EEA1: variants seen among roughly 807,000 people sequenced by gnomAD.
EEA1 encodes early endosome antigen 1, 162kD.
In EEA1, 111 loss-of-function variants were observed where a neutral mutation model predicts 209.2. The ratio of observed to expected loss-of-function variants is 0.53; its 90% CI spans 0.45 to 0.62. The LOEUF (loss-of-function observed/expected upper bound fraction) is 0.62. Ranked by LOEUF, EEA1 falls within the 20% of genes least tolerant of loss-of-function variation. EEA1 has a pLI of 0.00. For synonymous variants in EEA1, 536 were observed against 540.6 expected, an observed-to-expected ratio of 0.99 and a Z score of 0.12; for missense variants, 1,343 against 1,530.8, an observed-to-expected ratio of 0.88 and a Z score of 2.05.
intron 18 of EEA1, among the ~76,000 whole-genome samples, chr12:92,807,713 C>T (rs1875282986): frequency 6.6e-6 from 1 of 151,730 alleles, no homozygotes; most frequent in African/African-American, 2.4e-5. Flanking sequence ...ATAAATTTAA[C>T]AAAAGATGTA....
intron 22 of EEA1, among the ~76,000 whole-genome samples, chr12:92,782,698 T>TA (rs947113081): frequency 2.6e-5 from 4 of 152,198 alleles, no homozygotes; most frequent in African/African-American, 9.6e-5. Flanking sequence ...CATCCTTTGT[T>TA]ACAGTTTTTT....
chr12:92,917,744 A>C (rs1466473752), intron 1 of EEA1, among the ~76,000 whole-genome samples: 19 of 126,820 alleles, frequency 1.5e-4, no homozygotes, highest in African/African-American at 4.9e-4. Flanking sequence ...ACACATAACA[A>C]TATTAACTTT....
At chr12:92,875,450 T>C (rs1369625992) in intron 2 of EEA1, among the ~76,000 whole-genome samples, 1 of 151,810 alleles carries the variant, frequency 6.6e-6, no homozygotes, top group Non-Finnish European at 1.5e-5. Context: ...AAGAAAAACT[T>C]ACATTTTATG....
rs760490759 is a variant in EEA1, at chr12:92,809,050, T to G, written c.2306A>C (p.Glu769Ala). Reference protein sequence around the residue: ...LNTDLELRATELSKQLEMEKE... With the variant: ...LNTDLELRATALSKQLEMEKE... ...CTCCATTTCAAGTTGTTTACTCAAT[T>G]CTGTGGCTCTGAGCTCTAAATCTGT... is the stretch of plus-strand genomic sequence containing the variant. The change falls in exon 18 of 29, where the codon GAA becomes GCA. Residue 769 changes from glutamate (E) to alanine (A), a missense_variant. Coordinates refer to ENST00000322349, the MANE Select transcript of EEA1 (RefSeq NM_003566.4). 1.2e-6 allele frequency: 2 copies of G among 1,603,382 alleles called. No individual in the cohort carries two copies. Among genetic ancestry groups the G allele is most frequent in the Admixed American group, 3.4e-5 (2 of 58,968 alleles).
At chr12:92,900,936 TG>T (rs1215497065) in intron 1 of EEA1, among the ~76,000 whole-genome samples, 1 of 152,194 alleles carries the variant, frequency 6.6e-6, no homozygotes, top group Non-Finnish European at 1.5e-5. Context: ...CCCAAAGTGC[TG>T]GGATTACAGG....
At chr12:92,792,000 G>A (rs910210105) in intron 21 of EEA1, among the ~76,000 whole-genome samples, 26 of 152,138 alleles carry the variant, frequency 1.7e-4, no homozygotes, top group Non-Finnish European at 3.7e-4. Flanking sequence ...CATGAAAACT[G>A]AACAACTTGC....
intron 1 of EEA1, among the ~76,000 whole-genome samples, chr12:92,914,164 C>T (rs574677471): frequency 2.4e-4 from 36 of 152,246 alleles, no homozygotes; most frequent in African/African-American, 8.4e-4. Context: ...CCTTACCACT[C>T]ACCCACCAGC....
At chr12:92,836,672 C>T (rs73362472) in intron 10 of EEA1, among the ~76,000 whole-genome samples, 2,421 of 152,248 alleles carry the variant, frequency 0.016, 26 homozygotes, top group East Asian at 0.04. Context: ...GTCTTAACCC[C>T]TCTGCCATAT....
chr12:92,876,052 A>G (rs1227028624), intron 2 of EEA1, among the ~76,000 whole-genome samples: 1 of 151,686 alleles, frequency 6.6e-6, no homozygotes, highest in Non-Finnish European at 1.5e-5. Context: ...AATAACACCA[A>G]CTGTCTAACT....
At chr12:92,840,017 T>G (rs1397955996) in intron 10 of EEA1, among the ~76,000 whole-genome samples, 1 of 152,188 alleles carries the variant, frequency 6.6e-6, no homozygotes, top group African/African-American at 2.4e-5. Flanking sequence ...TTCTGAAAAC[T>G]TGACTAGGAT....
At chr12:92,867,942 C>T (rs761676997) in intron 2 of EEA1, among the ~76,000 whole-genome samples, 11 of 152,088 alleles carry the variant, frequency 7.2e-5, no homozygotes, top group Non-Finnish European at 1.0e-4. Flanking sequence ...GAGAGAAAAG[C>T]ATTCTAAGCA....
chr12:92,791,008 A>G (rs992345913), intron 21 of EEA1, among the ~76,000 whole-genome samples: 1 of 152,226 alleles, frequency 6.6e-6, no homozygotes, highest in Non-Finnish European at 1.5e-5. Flanking sequence ...CCAGAATTTC[A>G]TATCCAGCCA....
chr12:92,887,892 A>C (rs969336256), intron 2 of EEA1, among the ~76,000 whole-genome samples: 4 of 152,124 alleles, frequency 2.6e-5, no homozygotes, highest in Non-Finnish European at 4.4e-5. Context: ...TTTCCAAAAC[A>C]CTTCAAATAC....
intron 3 of EEA1, chr12:92,858,935 G>T: frequency 1.4e-6 from 1 of 704,416 alleles, no homozygotes; most frequent in South Asian, 1.6e-5. Context: ...AGGTGCCTTT[G>T]AGGAAAGGAT....
At chr12:92,865,821 C>T (rs1752387715) in intron 2 of EEA1, among the ~76,000 whole-genome samples, 1 of 151,702 alleles carries the variant, frequency 6.6e-6, no homozygotes, top group African/African-American at 2.4e-5. Flanking sequence ...TCTTGGCTCA[C>T]TGCAAACCTC....
intron 2 of EEA1, among the ~76,000 whole-genome samples, chr12:92,878,373 G>A (rs1879003475): frequency 6.6e-6 from 1 of 152,150 alleles, no homozygotes; most frequent in Admixed American, 6.5e-5. Context: ...TGAATATGGT[G>A]GATGAGGAAA....
At chr12:92,908,351 T>C (rs1424348923) in intron 1 of EEA1, among the ~76,000 whole-genome samples, 2 of 152,210 alleles carry the variant, frequency 1.3e-5, no homozygotes, top group African/African-American at 4.8e-5. Flanking sequence ...GTTATTGTTT[T>C]ATGAGTATGG....
intron 8 of EEA1, 60 bp downstream of exon 8, chr12:92,852,115 A>G: frequency 2.3e-6 from 3 of 1,329,238 alleles, no homozygotes; most frequent in Non-Finnish European, 3.0e-6. Flanking sequence ...CAGGGTATGT[A>G]TTTTATTTTT....
intron 18 of EEA1, 58 bp from the exon 19 acceptor site, chr12:92,802,792 C>T (rs936643457): frequency 2.3e-6 from 3 of 1,320,970 alleles, no homozygotes; most frequent in African/African-American, 3.1e-5. Flanking sequence ...TTCTAATTTA[C>T]CATTCAAAAT....
Sources: gnomAD v4.1 joint callset for allele counts (sites outside exome capture counted in the v4.1 genomes callset) on GRCh38, gnomAD v4.1.1 for gene constraint, MANE v1.5 for transcripts, NCBI Gene and HGNC (gene_info 2026-07-23, HGNC 2026-07-21) for gene names.